Variants in GPC6 observed in about 807,000 individuals in gnomAD.
The protein encoded by GPC6 is glypican-6.
GPC6 carries 14 observed loss-of-function variants against 55.2 expected under a neutral mutation model. The observed-to-expected ratio is 0.25, with a 90% confidence interval of 0.17 to 0.40. GPC6 has a LOEUF of 0.40. GPC6 is among the 10% of genes least tolerant of loss of function. The pLI is 1.00. For synonymous variants in GPC6, 278 were observed against 259.6 expected, an observed-to-expected ratio of 1.07 and a Z score of -0.68; for missense variants, 641 against 708.5, an observed-to-expected ratio of 0.90 and a Z score of 1.08.
intron 1 of GPC6, chr13:93,395,306 G>A (rs1875804163): frequency 4.2e-6 from 2 of 481,742 alleles, no homozygotes; most frequent in Admixed American, 2.3e-5. Flanking sequence ...TGAAGCACCA[G>A]CCATCTCTTG....
intron 2 of GPC6, among the ~76,000 whole-genome samples, chr13:93,655,322 C>T (rs1366991302): frequency 6.6e-6 from 1 of 152,104 alleles, no homozygotes; most frequent in Non-Finnish European, 1.5e-5. Context: ...CATGCCTGTG[C>T]TGAGTTTTAG....
In GPC6 at chr13:94,222,878, G is replaced by A. The variant is rs1375528928; in HGVS notation, c.878-63471G>A. On this transcript the variant is annotated intron_variant, in intron 4 of 8. Transcript: ENST00000377047. ...TCTGACCTGGCATCAGTGCAGCAAT[G>A]CCTCACCATCTTAGTTATTGCCACT... Among the ~76,000 whole-genome samples the A allele has an allele frequency of 2.0e-5, 3 of 152,182 alleles. No individual in the cohort carries two copies. In the East Asian group the frequency reaches 5.8e-4, roughly 29 times the overall value.
At chr13:93,414,072 C>T (rs1355525302) in intron 1 of GPC6, among the ~76,000 whole-genome samples, 1 of 152,134 alleles carries the variant, frequency 6.6e-6, no homozygotes, top group African/African-American at 2.4e-5. Context: ...GAACAGGGAC[C>T]ACATATTTGC....
At chr13:93,500,229 A>C (rs887926819) in intron 1 of GPC6, among the ~76,000 whole-genome samples, 41 of 152,220 alleles carry the variant, frequency 2.7e-4, no homozygotes, top group Admixed American at 2.7e-3. Flanking sequence ...AAGTGCTGGC[A>C]GAAGAGTAAC....
chr13:93,368,907 T>C (rs1456471492), intron 1 of GPC6, among the ~76,000 whole-genome samples: 1 of 152,088 alleles, frequency 6.6e-6, no homozygotes, highest in Non-Finnish European at 1.5e-5. Context: ...AGTGGGTTCA[T>C]AATTGCTGAC....
chr13:94,052,403 G>A (rs1394448636), intron 4 of GPC6, among the ~76,000 whole-genome samples: 4 of 152,130 alleles, frequency 2.6e-5, no homozygotes, highest in Non-Finnish European at 5.9e-5. Flanking sequence ...GGGTGAAAAT[G>A]CCTAACGGTA....
intron 5 of GPC6, among the ~76,000 whole-genome samples, chr13:94,299,701 A>G (rs968179711): frequency 3.3e-5 from 5 of 152,242 alleles, no homozygotes; most frequent in Admixed American, 6.5e-5. Flanking sequence ...CACAACCTCT[A>G]TAACTGTAAG....
intron 3 of GPC6, among the ~76,000 whole-genome samples, chr13:93,893,882 C>A (rs564968629): frequency 4.3e-4 from 66 of 152,276 alleles, no homozygotes; most frequent in African/African-American, 1.6e-3. Flanking sequence ...TGATAACACT[C>A]TTCCACAAAA....
At position 93,892,461 on chromosome 13, in the gene GPC6, A is replaced by G. The variant is rs142145562; in HGVS notation, c.711+61916A>G. On this transcript the variant is annotated intron_variant, in intron 3 of 8. Coordinates refer to ENST00000377047, the MANE Select transcript of GPC6 (RefSeq NM_005708.5). ...GATATTTTGTCAATATGGATCTGAA[A>G]TGGGACACTGCCCACATGTGATCTC... is the stretch of plus-strand genomic sequence containing the variant. 2.4e-3 allele frequency among the ~76,000 whole-genome samples: 363 copies of G among 152,306 alleles called. 2 individuals carry two copies. Among genetic ancestry groups the G allele is most frequent in the Non-Finnish European group, 4.6e-3 (313 of 68,018 alleles).
chr13:94,049,126 A>G (rs1456150082), intron 4 of GPC6, among the ~76,000 whole-genome samples: 1 of 151,864 alleles, frequency 6.6e-6, no homozygotes, highest in African/African-American at 2.4e-5. Context: ...GACAGCCTGC[A>G]TCTGTAATCT....
intron 1 of GPC6, among the ~76,000 whole-genome samples, chr13:93,360,202 C>T (rs1594117932): frequency 1.3e-5 from 2 of 152,200 alleles, no homozygotes; most frequent in Admixed American, 1.3e-4. Flanking sequence ...TTGTTGAAAC[C>T]CCAGAGTGAA....
At chr13:94,324,423 T>C (rs947062355) in intron 6 of GPC6, among the ~76,000 whole-genome samples, 1 of 150,506 alleles carries the variant, frequency 6.6e-6, no homozygotes, top group South Asian at 2.1e-4. Context: ...GCATTTGAAA[T>C]AGCCTTTTTA....
At chr13:93,631,977 G>C (rs1284216359) in intron 2 of GPC6, among the ~76,000 whole-genome samples, 3 of 152,188 alleles carry the variant, frequency 2.0e-5, no homozygotes, top group Non-Finnish European at 4.4e-5. Flanking sequence ...CTCTGCTGTG[G>C]ATGATTGTTG....
intron 2 of GPC6, among the ~76,000 whole-genome samples, chr13:93,794,380 C>T (rs540020013): frequency 6.6e-6 from 1 of 152,238 alleles, no homozygotes; most frequent in East Asian, 1.9e-4. Context: ...GGAGTGGGGC[C>T]CAGCAATCTG....
chr13:94,197,358 C>T (rs1460974825), intron 4 of GPC6, among the ~76,000 whole-genome samples: 1 of 152,176 alleles, frequency 6.6e-6, no homozygotes, highest in African/African-American at 2.4e-5. Context: ...ACGGTATTAG[C>T]CTGCTAGGGC....
rs565998528 is a variant in GPC6, at chr13:94,363,155, A to G, written c.1153-19259A>G. Among the ~76,000 whole-genome samples, 24 of 152,282 alleles carry G rather than the reference A, an allele frequency of 1.6e-4. No individual in the cohort carries two copies. In the South Asian group the frequency reaches 4.1e-3, roughly 26 times the overall value. On this transcript the variant is annotated intron_variant, in intron 6 of 8. Transcript: ENST00000377047. Reference sequence around the variant, plus strand: ...TATTTTCCTTTATTAAAACCACCACATATCTGGTGTTTTATTGCATGAGTA... The same window carrying G: ...TATTTTCCTTTATTAAAACCACCACGTATCTGGTGTTTTATTGCATGAGTA...
rs35881241 is a variant in GPC6 at position 94,064,141 on chromosome 13, T to G, written c.877+36247T>G. Among the ~76,000 whole-genome samples, 594 of 152,302 alleles carry G rather than the reference T, an allele frequency of 3.9e-3. 13 individuals are homozygous for G. The highest frequency in any genetic ancestry group is 0.031 in the Admixed American group (478 of 15,290). On this transcript the variant is annotated intron_variant, in intron 4 of 8. Coordinates refer to ENST00000377047, the MANE Select transcript of GPC6 (RefSeq NM_005708.5). ...GTTACCTCAGCTGCATAACTGAGCT[T>G]CTCTGGGACACGTTTATGACATATG... is the stretch of plus-strand genomic sequence containing the variant.
chr13:93,998,486 C>A (rs888092825), intron 3 of GPC6, among the ~76,000 whole-genome samples: 1 of 152,078 alleles, frequency 6.6e-6, no homozygotes, highest in African/African-American at 2.4e-5. Context: ...TTCTCCATGC[C>A]TTCTTTACTT....
intron 2 of GPC6, among the ~76,000 whole-genome samples, chr13:93,603,689 C>T (rs1878119759): frequency 6.6e-6 from 1 of 152,198 alleles, no homozygotes; most frequent in South Asian, 2.1e-4. Flanking sequence ...AATTTCATGA[C>T]TGACTTTCAA....
Sources: gnomAD v4.1 joint callset for allele counts (sites outside exome capture counted in the v4.1 genomes callset) on GRCh38, gnomAD v4.1.1 for gene constraint, MANE v1.5 for transcripts, NCBI Gene and HGNC (gene_info 2026-07-23, HGNC 2026-07-21) for gene names.